RBPJ: variants seen among roughly 807,000 people sequenced by gnomAD.
RBPJ encodes the protein recombination signal binding protein for immunoglobulin kappa J region.
A neutral mutation model predicts 67.8 loss-of-function variants in RBPJ; 9 were observed. That is an observed-to-expected ratio of 0.13 (90% CI 0.08 to 0.23). RBPJ has a LOEUF of 0.23. Among genes scored for constraint, RBPJ ranks in the 10% least tolerant of loss-of-function variants. RBPJ has a pLI of 1.00. For missense variants in RBPJ, 305 were observed against 595.6 expected (o/e 0.51, Z 5.08); for synonymous variants, 198 against 203.3 (o/e 0.97, Z 0.22).
rs1577468320 is a variant in RBPJ at position 26,203,421 on chromosome 4, C to T, written c.-167+39807C>T. On this transcript the variant is annotated intron_variant, in intron 1 of 4. Transcript: ENST00000512351. The stretch of plus-strand genomic sequence containing the variant: ...CTGACCACCCCACATACAGTAGGGT[C>T]TCCATACCCCTATCTCTCTGTCCCT... Among the ~76,000 whole-genome samples the T allele has an allele frequency of 4.6e-5, 7 of 152,306 alleles. No individual in the cohort carries two copies. In the South Asian group the frequency reaches 1.5e-3, roughly 32 times the overall value.
chr4:26,236,164 A>T (rs1310373907), intron 1 of RBPJ, among the ~76,000 whole-genome samples: 2 of 152,196 alleles, frequency 1.3e-5, no homozygotes, highest in Non-Finnish European at 2.9e-5. Context: ...TTGAGGAAAG[A>T]GGTCCTTTGT....
chr4:26,154,492 C>G, the RBPJ span, among the ~76,000 whole-genome samples: 2 of 152,182 alleles, frequency 1.3e-5, no homozygotes, highest in African/African-American at 2.4e-5. Flanking sequence ...TCCTAACCTC[C>G]CTATCCCTTC....
At chr4:26,137,419 AC>A in the RBPJ span, among the ~76,000 whole-genome samples, 285 of 152,258 alleles carry the variant, frequency 1.9e-3, 2 homozygotes, top group African/African-American at 6.5e-3. Context: ...TTGGCTCTAA[AC>A]AAATCCATCA....
chr4:26,340,832 C>T (rs531136431), intron 1 of RBPJ, among the ~76,000 whole-genome samples: 1 of 149,540 alleles, frequency 6.7e-6, no homozygotes, highest in East Asian at 2.0e-4. Flanking sequence ...GCACTCCAGC[C>T]TGGCAACAGA....
the RBPJ span, among the ~76,000 whole-genome samples, chr4:26,124,461 T>TATAC: frequency 5.8e-5 from 7 of 121,336 alleles, no homozygotes; most frequent in East Asian, 8.1e-4. Context: ...TATATATATA[T>TATAC]ACCAGTTTCT....
At chr4:26,162,065 A>C (rs1268209431), upstream of RBPJ, among the ~76,000 whole-genome samples, 1 of 152,240 alleles carries the variant, frequency 6.6e-6, no homozygotes, top group Non-Finnish European at 1.5e-5. Flanking sequence ...GGACTCTGCC[A>C]ACAAGCAAGG....
At position 26,191,200 on chromosome 4, in the gene RBPJ, TATATATATATAGAG is replaced by T. The variant is rs1443087484; in HGVS notation, c.-167+27588_-167+27601del. On this transcript the variant is annotated intron_variant, in intron 1 of 4. Transcript: ENST00000512351. ...AAAAAAATATATATATATATATATA[TATATATATATAGAG>T]AGAGAGAGAGAGAGAGAGAGAGAGA... 6.9e-3 allele frequency among the ~76,000 whole-genome samples: 215 copies of T among 31,310 alleles called. 1 individual carries two copies. The highest frequency in any genetic ancestry group is 0.017 in the African/African-American group (155 of 9,230). 20.5% of individuals were successfully genotyped at this position (31,310 alleles called of 152,430 possible).
At chr4:26,244,553 T>C (rs532535415) in intron 1 of RBPJ, among the ~76,000 whole-genome samples, 1 of 151,316 alleles carries the variant, frequency 6.6e-6, no homozygotes, top group African/African-American at 2.5e-5. Context: ...GTAAATGGTT[T>C]CTTATTGTTA....
At chr4:26,385,241 G>A (rs1261423895) in intron 1 of RBPJ, among the ~76,000 whole-genome samples, 2 of 151,428 alleles carry the variant, frequency 1.3e-5, no homozygotes, top group East Asian at 2.0e-4. Context: ...GGCTGGTCTC[G>A]AACTCCTGAC....
intron 1 of RBPJ, among the ~76,000 whole-genome samples, chr4:26,200,341 G>A (rs1717938702): frequency 6.6e-6 from 1 of 152,116 alleles, no homozygotes; most frequent in Non-Finnish European, 1.5e-5. Context: ...ACTTCACCAA[G>A]GTCCACAACT....
intron 1 of RBPJ, among the ~76,000 whole-genome samples, chr4:26,356,801 ACCAGAC>A (rs1225659546): frequency 1.3e-5 from 2 of 152,220 alleles, no homozygotes; most frequent in Admixed American, 1.3e-4. Context: ...TTTTTGTAGG[ACCAGAC>A]ACTTAGAAGT....
intron 2 of RBPJ, among the ~76,000 whole-genome samples, chr4:26,405,049 C>G (rs1226610290): frequency 6.6e-6 from 1 of 152,194 alleles, no homozygotes; most frequent in African/African-American, 2.4e-5. Context: ...CCTGGTATTA[C>G]TGCCCTGCCT....
chr4:26,247,699 C>T (rs542711948), intron 1 of RBPJ, among the ~76,000 whole-genome samples: 19 of 152,284 alleles, frequency 1.2e-4, no homozygotes, highest in African/African-American at 3.1e-4. Flanking sequence ...CATGAGCCAC[C>T]GTACCCAGCC....
intron 1 of RBPJ, among the ~76,000 whole-genome samples, chr4:26,211,880 A>G (rs1577476967): frequency 1.3e-5 from 2 of 152,200 alleles, no homozygotes; most frequent in East Asian, 3.8e-4. Context: ...AGACCATCCA[A>G]TATGACTGGT....
At chr4:26,220,202 A>G (rs899912603) in intron 1 of RBPJ, among the ~76,000 whole-genome samples, 2 of 152,224 alleles carry the variant, frequency 1.3e-5, no homozygotes, top group African/African-American at 4.8e-5. Flanking sequence ...GCTAGTTAAT[A>G]TGCAGATGAG....
chr4:26,106,435 T>A, the RBPJ span, among the ~76,000 whole-genome samples: 4 of 152,200 alleles, frequency 2.6e-5, no homozygotes. Context: ...CAAGTGTGGA[T>A]TGTAGCAGAT....
In RBPJ at chr4:26,430,609, TAAAC is replaced by T; in HGVS notation, c.1149-80_1149-77del. 6.5e-7 allele frequency: 1 copy of T among 1,540,748 alleles called. No homozygotes were observed. The highest frequency in any genetic ancestry group is 1.2e-5 in the South Asian group (1 of 83,722). On this transcript the variant is annotated intron_variant, in intron 10 of 10. Transcript: ENST00000355476. This position sits in a 1 kb window ranked among gnomAD's most constrained non-coding sequence, Gnocchi z 4.1. ...TTTCCTGGCACTGATTGTAATGTAT[TAAAC>T]AACCTTGTGTTAAGTCTCATTTTTA... is the stretch of plus-strand genomic sequence containing the variant.
intron 1 of RBPJ, among the ~76,000 whole-genome samples, chr4:26,336,326 A>G (rs1311601047): frequency 6.6e-6 from 1 of 152,160 alleles, no homozygotes; most frequent in Admixed American, 6.5e-5. Flanking sequence ...TTTCTATGAA[A>G]GATTATTTAG....
At chr4:26,350,888 G>A (rs892896723) in intron 1 of RBPJ, among the ~76,000 whole-genome samples, 3 of 152,082 alleles carry the variant, frequency 2.0e-5, no homozygotes, top group African/African-American at 4.8e-5. Context: ...ATGGCTTCTG[G>A]ATTTTGCATG....
Sources: gnomAD v4.1 joint callset for allele counts (sites outside exome capture counted in the v4.1 genomes callset) on GRCh38, gnomAD v4.1.1 for gene constraint, Gnocchi (gnomAD v3.1) non-coding constraint, MANE v1.5 for transcripts, NCBI Gene and HGNC (gene_info 2026-07-23, HGNC 2026-07-21) for gene names.